Variants in CELF1 observed in about 807,000 individuals in gnomAD.
CELF1 encodes CUGBP Elav-like family member 1, also known as 50 kDa nuclear polyadenylated RNA-binding protein.
A neutral mutation model predicts 61.8 loss-of-function variants in CELF1; 10 were observed. That is an observed-to-expected ratio of 0.16 (90% CI 0.10 to 0.27). CELF1 has a LOEUF of 0.27. Ranked by LOEUF, CELF1 falls within the 10% of genes least tolerant of loss-of-function variation. The pLI is 1.00. For synonymous variants in CELF1, 236 were observed against 225.1 expected, an observed-to-expected ratio of 1.05 and a Z score of -0.43; for missense variants, 380 against 639.1, an observed-to-expected ratio of 0.59 and a Z score of 4.37.
At chr11:47,487,049 CA>C in intron 5 of CELF1, 109 bp downstream of exon 5, 1 of 865,116 alleles carries the variant, frequency 1.2e-6, no homozygotes, top group South Asian at 1.5e-5. Context: ...TCAATTCCTG[CA>C]GCAGTTACCT....
chr11:47,516,515 CTA>C (rs1254167508), intron 1 of CELF1, among the ~76,000 whole-genome samples: 1 of 152,048 alleles, frequency 6.6e-6, no homozygotes, highest in African/African-American at 2.4e-5. Flanking sequence ...ATTGCAGATC[CTA>C]TGTTTATTCT....
intron 2 of CELF1, among the ~76,000 whole-genome samples, chr11:47,558,748 AATAT>A (rs1158171912): frequency 8.7e-6 from 1 of 114,484 alleles, no homozygotes; most frequent in Admixed American, 1.3e-4. Flanking sequence ...TTGTATATAT[AATAT>A]ATATAATATA....
intron 2 of CELF1, among the ~76,000 whole-genome samples, chr11:47,563,783 G>A (rs1467030678): frequency 2.0e-5 from 3 of 152,352 alleles, no homozygotes; most frequent in South Asian, 2.1e-4. Context: ...CACTTTGGAA[G>A]GCCGAGGGGG....
chr11:47,550,243 A>C (rs943578144), intron 1 of CELF1, among the ~76,000 whole-genome samples: 46 of 152,240 alleles, frequency 3.0e-4, no homozygotes, highest in Admixed American at 1.8e-3. Flanking sequence ...AACAAACAAA[A>C]AAAAACACCG....
chr11:47,550,080 GCTGGGATTACAGGTGTGAGCCA>G (rs2097098886), intron 1 of CELF1, among the ~76,000 whole-genome samples: 1 of 151,900 alleles, frequency 6.6e-6, no homozygotes, highest in Admixed American at 6.6e-5. Context: ...CTCCCAAAGT[GCTGGGATTACAGGTGTGAGCCA>G]CTGCGCCCAG....
rs190325045 is a variant in CELF1, at chr11:47,477,133, A to G, written c.973+164T>C. ...TGGCCACAGCACATTGAAAATCAGG[A>G]AGATTTCTCTTAAGTACAAAAGATG... On this transcript the variant is annotated intron_variant, in intron 11 of 14. Coordinates refer to ENST00000687097, the MANE Select transcript of CELF1 (RefSeq NM_001376376.1). 2,178 of 907,828 alleles carry G rather than the reference A, an allele frequency of 2.4e-3. 19 individuals are homozygous for G. The highest frequency in any genetic ancestry group is 1.3e-3 in the Non-Finnish European group (762 of 592,826). 56.2% of individuals were successfully genotyped at this position (907,828 alleles called of 1,614,324 possible). A position where few individuals can be genotyped will look rare whatever the true frequency, so the allele number is the denominator to read the frequency against.
At chr11:47,493,430 C>T (rs1375943282) in intron 3 of CELF1, among the ~76,000 whole-genome samples, 1 of 149,530 alleles carries the variant, frequency 6.7e-6, no homozygotes, top group Non-Finnish European at 1.5e-5. Flanking sequence ...ATCACTTGAA[C>T]CCGGGAGGCG....
chr11:47,524,978 T>C (rs1359501167), intron 1 of CELF1, among the ~76,000 whole-genome samples: 3 of 152,170 alleles, frequency 2.0e-5, no homozygotes, highest in Admixed American at 6.6e-5. Context: ...CAAGAATCCC[T>C]CAGCCACGGG....
chr11:47,541,332 G>C (rs926624936), intron 1 of CELF1, among the ~76,000 whole-genome samples: 1 of 152,238 alleles, frequency 6.6e-6, no homozygotes, highest in African/African-American at 2.4e-5. Flanking sequence ...AGAACAAGGA[G>C]AAAGTGGTGA....
In CELF1 at chr11:47,472,196, G is replaced by A. The variant is rs1429431069; in HGVS notation, c.*34C>T. The A allele has an allele frequency of 6.2e-7, 1 of 1,610,024 alleles. No homozygotes were observed. Among genetic ancestry groups the A allele is most frequent in the Non-Finnish European group, 8.5e-7 (1 of 1,177,610 alleles). On this transcript the variant is annotated 3_prime_UTR_variant, in exon 15 of 15. Coordinates refer to ENST00000687097, the MANE Select transcript of CELF1 (RefSeq NM_001376376.1). The stretch of plus-strand genomic sequence containing the variant: ...GGTGCTCCTCCCCCACTTACCAGAA[G>A]ACCCTCTCACTCCAGTCTCAGAGGG...
chr11:47,512,800 T>G (rs969193166), intron 1 of CELF1, among the ~76,000 whole-genome samples: 5 of 152,198 alleles, frequency 3.3e-5, no homozygotes, highest in Non-Finnish European at 7.3e-5. Context: ...CCCCCTGCTT[T>G]GGAAAACTCC....
intron 1 of CELF1, among the ~76,000 whole-genome samples, chr11:47,537,279 ACT>A (rs1212757106): frequency 7.2e-6 from 1 of 138,002 alleles, no homozygotes; most frequent in African/African-American, 2.8e-5. Context: ...ACAGAGTCTC[ACT>A]CTGTCGCCCA....
chr11:47,499,912 C>T (rs988690314), intron 2 of CELF1: 1 of 171,454 alleles, frequency 5.8e-6, no homozygotes, highest in African/African-American at 2.4e-5. Context: ...ATCCTCCAAA[C>T]TCCTCCCTGC....
intron 1 of CELF1, among the ~76,000 whole-genome samples, chr11:47,531,050 C>A (rs993830966): frequency 6.6e-6 from 1 of 151,932 alleles, no homozygotes; most frequent in Non-Finnish European, 1.5e-5. Flanking sequence ...AGTTTGAGAC[C>A]AGCCTGGCCA....
At chr11:47,474,912 C>G (rs1724349690) in intron 13 of CELF1, among the ~76,000 whole-genome samples, 1 of 152,178 alleles carries the variant, frequency 6.6e-6, no homozygotes, top group African/African-American at 2.4e-5. Flanking sequence ...TGTCTTCAAT[C>G]AGGACAAACA....
chr11:47,536,071 G>A (rs899741163), intron 1 of CELF1, among the ~76,000 whole-genome samples: 1 of 152,086 alleles, frequency 6.6e-6, no homozygotes, highest in African/African-American at 2.4e-5. Context: ...CCAAGAGTTT[G>A]TTTTTAAATA....
intron 1 of CELF1, among the ~76,000 whole-genome samples, chr11:47,526,327 G>GA (rs1303618730): frequency 6.6e-6 from 1 of 151,698 alleles, no homozygotes; most frequent in African/African-American, 2.4e-5. Flanking sequence ...TCTCAAGGAA[G>GA]AAAAAAAGAA....
intron 1 of CELF1, among the ~76,000 whole-genome samples, chr11:47,521,124 C>T (rs933678441): frequency 7.3e-5 from 11 of 151,368 alleles, no homozygotes; most frequent in Admixed American, 6.6e-4. Flanking sequence ...TAGTGGCGGG[C>T]GCCTGTAGTC....
At chr11:47,482,480 C>G (rs565637278) in intron 9 of CELF1, 1 of 367,910 alleles carries the variant, frequency 2.7e-6, no homozygotes, top group Non-Finnish European at 4.8e-6. Context: ...GCAAAAGCCT[C>G]AAGATATAAC....
Sources: allele counts gnomAD v4.1 joint callset (sites outside exome capture counted in the v4.1 genomes callset), GRCh38; gene constraint gnomAD v4.1.1; transcripts MANE v1.5; gene names NCBI Gene and HGNC (gene_info 2026-07-23, HGNC 2026-07-21).